The following FMN2 variants were observed in gnomAD, a reference collection of about 807,000 sequenced individuals.
FMN2 encodes the protein formin 2, also known as formin-2.
In FMN2, 51 loss-of-function variants were observed where a neutral mutation model predicts 142.3. The ratio of observed to expected loss-of-function variants is 0.36; its 90% CI spans 0.29 to 0.45. The LOEUF is 0.45. Ranked by LOEUF, FMN2 falls within the 20% of genes least tolerant of loss-of-function variation. The probability of loss-of-function intolerance (pLI) is 1.00; values close to 1 mark genes in which losing one functional copy is unlikely to be tolerated. For synonymous variants in FMN2, 882 were observed against 869.8 expected (o/e 1.01, Z -0.25); for missense variants, 1,936 against 2,122.8 (o/e 0.91, Z 1.73).
chr1:240,177,096 T>C (rs1664949532), intron 2 of FMN2, among the ~76,000 whole-genome samples: 1 of 152,184 alleles, frequency 6.6e-6, no homozygotes, highest in Non-Finnish European at 1.5e-5. Flanking sequence ...ATTAGGGAAA[T>C]ACAACCAGTT....
Position 240,231,117 on chromosome 1 carries a change from C to T in FMN2, c.4065+19882C>T, listed in dbSNP as rs554885477. Reference sequence around the variant, plus strand: ...AACTTTCCTATTCCAGTAATGCCAGCCTTCTTCTCAATACTGCCACACACG... The same window carrying T: ...AACTTTCCTATTCCAGTAATGCCAGTCTTCTTCTCAATACTGCCACACACG... On this transcript the variant is annotated intron_variant, in intron 6 of 17. Coordinates refer to ENST00000319653, the MANE Select transcript of FMN2 (RefSeq NM_020066.5). Among the ~76,000 whole-genome samples the T allele has an allele frequency of 1.5e-5, 2 of 131,644 alleles. 1 individual carries two copies. Among genetic ancestry groups the T allele is most frequent in the African/African-American group, 6.5e-5 (2 of 30,660 alleles). The allele number at this position is 131,644 out of a possible 152,430, so 86.4% of individuals were successfully genotyped here. A position where few individuals can be genotyped will look rare whatever the true frequency, so the allele number is the denominator to read the frequency against.
At chr1:240,170,958 C>T in intron 2 of FMN2, 1 of 789,240 alleles carries the variant, frequency 1.3e-6, no homozygotes. Flanking sequence ...GAGGAGTGGA[C>T]TACTCCTTTG....
chr1:240,112,698 C>T (rs1471604123), intron 1 of FMN2, among the ~76,000 whole-genome samples: 1 of 152,204 alleles, frequency 6.6e-6, no homozygotes, highest in East Asian at 1.9e-4. Flanking sequence ...TGCAGTGTTG[C>T]TGCACCTGCT....
At chr1:240,274,198 T>G in intron 7 of FMN2, among the ~76,000 whole-genome samples, 1 of 150,650 alleles carries the variant, frequency 6.6e-6, no homozygotes. Flanking sequence ...AAAAACAATT[T>G]TAATATGTAC....
At chr1:240,211,746 C>T (rs747175968) in intron 6 of FMN2, among the ~76,000 whole-genome samples, 4 of 152,192 alleles carry the variant, frequency 2.6e-5, no homozygotes, top group Non-Finnish European at 4.4e-5. Context: ...TCTAACCTCT[C>T]TATTTTATGT....
chr1:240,336,294 T>G (rs1419276406), intron 13 of FMN2, among the ~76,000 whole-genome samples: 1 of 152,100 alleles, frequency 6.6e-6, no homozygotes, highest in African/African-American at 2.4e-5. Flanking sequence ...AAGGAGCATC[T>G]TAGCAATTTT....
intron 2 of FMN2, among the ~76,000 whole-genome samples, chr1:240,164,951 G>A (rs1022511922): frequency 4.6e-5 from 7 of 151,970 alleles, no homozygotes; most frequent in African/African-American, 1.7e-4. Context: ...GTTCTTCACT[G>A]TATCTTTTAT....
intron 2 of FMN2, chr1:240,143,838 C>A: frequency 3.2e-6 from 5 of 1,570,374 alleles, no homozygotes; most frequent in Non-Finnish European, 4.4e-6. Context: ...ACACCTGCCA[C>A]CTCCATGCTG....
At chr1:240,254,844 G>A (rs1275881526) in intron 6 of FMN2, among the ~76,000 whole-genome samples, 1 of 152,152 alleles carries the variant, frequency 6.6e-6, no homozygotes, top group East Asian at 1.9e-4. Context: ...ATGTGGAGAT[G>A]CAGGGGCTAT....
At chr1:240,168,340 C>T (rs1385479655) in intron 2 of FMN2, among the ~76,000 whole-genome samples, 1 of 152,142 alleles carries the variant, frequency 6.6e-6, no homozygotes, top group Admixed American at 6.5e-5. Flanking sequence ...GGAATACCAA[C>T]ATTTTGGGAG....
Position 240,092,860 on chromosome 1 carries a change from C to G in FMN2, c.751C>G (p.Arg251Gly). ...GCCCGGGGCCTTCCTGGGCCTGGAC[C>G]GGTTCCTGCTGGGGCCGAGCGGCGG... ...PQPGAFLGLD[R>G]FLLGPSGGAG... The change falls in exon 1 of 18, where the codon CGG becomes GGG. Residue 251 changes from arginine to glycine, a missense_variant. Around this residue, in one of 8 missense-constraint regions of FMN2, gnomAD observed 751 missense variants for 791.8 expected, o/e 0.95. Coordinates refer to ENST00000319653, the MANE Select transcript of FMN2 (RefSeq NM_020066.5). 1 of 1,544,144 alleles carries G rather than the reference C, an allele frequency of 6.5e-7. No homozygotes were observed. Among genetic ancestry groups the G allele is most frequent in the Non-Finnish European group, 8.7e-7 (1 of 1,148,258 alleles).
chr1:240,218,144 G>A (rs1048711271), intron 6 of FMN2, among the ~76,000 whole-genome samples: 11 of 151,954 alleles, frequency 7.2e-5, no homozygotes, highest in East Asian at 1.9e-4. Context: ...TTAGCTGGGC[G>A]TGATGGCATG....
chr1:240,324,954 A>G (rs115754909), intron 8 of FMN2, among the ~76,000 whole-genome samples: 1 of 152,108 alleles, frequency 6.6e-6, no homozygotes, highest in East Asian at 1.9e-4. Context: ...GGATTGGCTT[A>G]TGTGTTTCTT....
intron 13 of FMN2, among the ~76,000 whole-genome samples, chr1:240,349,703 G>C (rs1377221207): frequency 2.0e-5 from 3 of 152,108 alleles, no homozygotes; most frequent in Non-Finnish European, 2.9e-5. Flanking sequence ...TTTGTATTTG[G>C]AAACCTAATG....
At chr1:240,329,759 T>C (rs1366906625) in intron 10 of FMN2, among the ~76,000 whole-genome samples, 3 of 151,900 alleles carry the variant, frequency 2.0e-5, no homozygotes, top group Non-Finnish European at 4.4e-5. Flanking sequence ...GTTTTCACGG[T>C]CCTCTCAGAC....
At chr1:240,273,588 C>T (rs963608487) in intron 7 of FMN2, among the ~76,000 whole-genome samples, 1 of 152,008 alleles carries the variant, frequency 6.6e-6, no homozygotes, top group Non-Finnish European at 1.5e-5. Context: ...GTGTGCAGTG[C>T]TTTAGTGTTG....
At chr1:240,361,132 A>AATAAATAAATATAT (rs1672450710) in intron 14 of FMN2, among the ~76,000 whole-genome samples, 1 of 35,736 alleles carries the variant, frequency 2.8e-5, no homozygotes, top group African/African-American at 5.3e-5. Flanking sequence ...ATAATAAATA[A>AATAAATAAATATAT]ATATATGTGT....
intron 2 of FMN2, among the ~76,000 whole-genome samples, chr1:240,140,348 TC>T (rs775851201): frequency 5.9e-5 from 9 of 152,258 alleles, no homozygotes; most frequent in Admixed American, 6.5e-5. Context: ...GTTTTTATTT[TC>T]CTTTTGCAGA....
chr1:240,363,978 G>A (rs1010681755), intron 14 of FMN2, among the ~76,000 whole-genome samples: 2 of 151,992 alleles, frequency 1.3e-5, no homozygotes, highest in African/African-American at 4.8e-5. Context: ...TAAATTTCTG[G>A]TGCACTAGTG....
Sources: gnomAD v4.1 joint callset for allele counts (sites outside exome capture counted in the v4.1 genomes callset) on GRCh38, gnomAD v4.1.1 for gene constraint, gnomAD v4.1.1 regional missense constraint, MANE v1.5 for transcripts, NCBI Gene and HGNC (gene_info 2026-07-23, HGNC 2026-07-21) for gene names.